The following PAXIP1 variants were observed in gnomAD, a reference collection of about 807,000 sequenced individuals.
The protein encoded by PAXIP1 is PAX interacting protein 1.
In PAXIP1, 19 loss-of-function variants were observed where a neutral mutation model predicts 140.6. The observed-to-expected ratio is 0.14, with a 90% CI of 0.09 to 0.20. The LOEUF (loss-of-function observed/expected upper bound fraction) is 0.20. PAXIP1 is among the 10% of genes least tolerant of loss of function. PAXIP1 has a pLI of 1.00. For synonymous variants in PAXIP1, 442 were observed against 444.6 expected, an observed-to-expected ratio of 0.99 and a Z score of 0.07; for missense variants, 920 against 1,208.6, an observed-to-expected ratio of 0.76 and a Z score of 3.54.
At chr7:154,958,705 T>C (rs573521034) in intron 13 of PAXIP1, among the ~76,000 whole-genome samples, 1 of 152,318 alleles carries the variant, frequency 6.6e-6, no homozygotes, top group African/African-American at 2.4e-5. Context: ...TCTTTGTCTC[T>C]AAGATTTTTA....
At chr7:154,951,895 T>C (rs1016314985) in intron 16 of PAXIP1, 8 of 152,312 alleles carry the variant, frequency 5.3e-5, no homozygotes, top group Admixed American at 1.3e-4. Flanking sequence ...AAGCAGCCGA[T>C]GGAGCCAACC....
chr7:154,987,705 G>A (rs1052021705), intron 4 of PAXIP1, among the ~76,000 whole-genome samples: 26 of 152,098 alleles, frequency 1.7e-4, no homozygotes, highest in Non-Finnish European at 4.4e-5. Context: ...TGTGCTCCTC[G>A]ACTGAAACAA....
At chr7:154,975,319 CATT>C (rs1487283930) in intron 6 of PAXIP1, among the ~76,000 whole-genome samples, 1 of 152,194 alleles carries the variant, frequency 6.6e-6, no homozygotes, top group Non-Finnish European at 1.5e-5. Context: ...CCATGAAGTT[CATT>C]ATAAGCAAAT....
chr7:154,953,426 G>A (rs1808365143), intron 16 of PAXIP1, among the ~76,000 whole-genome samples: 1 of 152,176 alleles, frequency 6.6e-6, no homozygotes, highest in Non-Finnish European at 1.5e-5. Context: ...TGTGGTTGGG[G>A]CAGAAAGACC....
chr7:154,960,847 A>C (rs1193373978), intron 12 of PAXIP1, 46 bp downstream of exon 12: 2 of 1,341,580 alleles, frequency 1.5e-6, no homozygotes, highest in African/African-American at 2.9e-5. Context: ...AGTAATGCTA[A>C]TGATTTTATT....
intron 2 of PAXIP1, among the ~76,000 whole-genome samples, chr7:154,998,089 G>A (rs1810722246): frequency 6.6e-6 from 1 of 152,152 alleles, no homozygotes; most frequent in African/African-American, 2.4e-5. Context: ...ATAAAGGATG[G>A]CCTAGGATTA....
At position 154,946,323 on chromosome 7, in the gene PAXIP1, A is replaced by G. The variant is rs1332612657; in HGVS notation, c.3194+42T>C. Reference sequence around the variant, plus strand: ...TATTAACCTGGGAAATCCATTTCATATCTAACCCGTCTACTTTTTAATTCT... The same window carrying G: ...TATTAACCTGGGAAATCCATTTCATGTCTAACCCGTCTACTTTTTAATTCT... On this transcript the variant is annotated intron_variant, in intron 20 of 20. Transcript: ENST00000404141. This position sits in a 1 kb window ranked among gnomAD's most constrained non-coding sequence, Gnocchi z 4.9. 3.1e-6 allele frequency: 5 copies of G among 1,613,346 alleles called. No individual in the cohort carries two copies. The East Asian group carries it at 6.7e-5, about 22-fold the overall frequency.
rs1044589820 is a variant in PAXIP1 at position 154,963,778 on chromosome 7, G to T, written c.1894-12C>A. 18 of 1,596,898 alleles carry T rather than the reference G, an allele frequency of 1.1e-5. No individual in the cohort carries two copies. The African/African-American group carries it at 2.0e-4, about 18-fold the overall frequency. On this transcript the variant is annotated splice_polypyrimidine_tract_variant and intron_variant, in intron 8 of 20. Coordinates refer to ENST00000404141, the MANE Select transcript of PAXIP1 (RefSeq NM_007349.4). This position sits in a 1 kb window ranked among gnomAD's most constrained non-coding sequence, Gnocchi z 4.1. ...TGTGCCTGGATTATCTACACACAAA[G>T]ACCCGACCAATGCAGTCATCAATCA...
Position 154,946,916 on chromosome 7 carries a change from A to T in PAXIP1, c.2923-103T>A, listed in dbSNP as rs1585032413. 9 of 844,992 alleles carry T rather than the reference A, an allele frequency of 1.1e-5. No homozygotes were observed. In the East Asian group the frequency reaches 2.4e-4, roughly 23 times the overall value. 52.3% of individuals were successfully genotyped at this position (844,992 alleles called of 1,614,324 possible). ...GCCCTGAGATTTTTGACAAAATTTC[A>T]AATTTTATGACATTATGAAGGTACT... On this transcript the variant is annotated intron_variant, in intron 17 of 20. Coordinates refer to ENST00000404141, the MANE Select transcript of PAXIP1 (RefSeq NM_007349.4). This position sits in a 1 kb window ranked among gnomAD's most constrained non-coding sequence, Gnocchi z 4.9.
intron 5 of PAXIP1, among the ~76,000 whole-genome samples, chr7:154,978,532 T>C (rs533439078): frequency 1.4e-4 from 21 of 152,198 alleles, no homozygotes; most frequent in Non-Finnish European, 2.8e-4. Context: ...TAAAATGTTA[T>C]ATAGCTCTCC....
At chr7:155,002,109 G>C (rs1350632716) in intron 1 of PAXIP1, 1 of 152,270 alleles carries the variant, frequency 6.6e-6, no homozygotes, top group Non-Finnish European at 1.5e-5. Flanking sequence ...ACTGATAACT[G>C]TGTGACATCA....
At chr7:154,998,152 A>G (rs1810726265) in intron 2 of PAXIP1, among the ~76,000 whole-genome samples, 4 of 152,202 alleles carry the variant, frequency 2.6e-5, no homozygotes, top group Admixed American at 2.0e-4. Context: ...AAGGACCTGA[A>G]GCTAAGGGAA....
In PAXIP1 at chr7:154,973,252, TG is replaced by T. The variant is rs1224447369; in HGVS notation, c.1074+2443del. ...CAAGACCCATGGTCAGTGGCAGGCC[TG>T]TTTTCCTCCGGGACCCAACAAGGTG... is the stretch of plus-strand genomic sequence containing the variant. On this transcript the variant is annotated intron_variant, in intron 6 of 20. Transcript: ENST00000404141. This position sits in a 1 kb window ranked among gnomAD's most constrained non-coding sequence, Gnocchi z 4.0. Among the ~76,000 whole-genome samples, 6 of 152,140 alleles carry T rather than the reference TG, an allele frequency of 3.9e-5. No individual in the cohort carries two copies. The East Asian group carries it at 1.2e-3, about 29-fold the overall frequency.
At chr7:154,957,508 CG>C (rs11325562) in intron 13 of PAXIP1, among the ~76,000 whole-genome samples, 34,709 of 152,158 alleles carry the variant, frequency 0.23, 4,680 homozygotes, top group Admixed American at 0.34. Flanking sequence ...ACCTCTGTAT[CG>C]TTTTTTTGTT....
At chr7:154,978,419 C>G (rs540878305) in intron 5 of PAXIP1, among the ~76,000 whole-genome samples, 5 of 152,316 alleles carry the variant, frequency 3.3e-5, no homozygotes, top group African/African-American at 1.2e-4. Flanking sequence ...AATTACACTT[C>G]CAACAGCTAT....
rs1809546507 is a variant in PAXIP1 at position 154,975,860 on chromosome 7, A to G, written c.910T>C (p.Leu304=). The G allele has an allele frequency of 6.2e-7, 1 of 1,613,844 alleles. No homozygotes were observed. ...AAATTACCCCGGACCTCAGGGGGCA[A>G]AATGTTACCTGGGACGGGTGGGACA... ...ANVPPVPGNI[L]PPEVRGNLMA... is the part of the protein sequence containing the mutation. The change falls in exon 6 of 21, where the codon TTG becomes CTG. Residue 304 remains leucine (L), a synonymous_variant. Transcript: ENST00000404141.
chr7:154,962,484 GTTGT>G (rs1337955598), intron 9 of PAXIP1, 26 bp from the exon 10 acceptor site: 14 of 1,593,560 alleles, frequency 8.8e-6, no homozygotes, highest in Non-Finnish European at 1.1e-5. Context: ...TTATAGGTTT[GTTGT>G]TTTTGTTTTT....
intron 14 of PAXIP1, 74 bp downstream of exon 14, chr7:154,957,150 C>T: frequency 1.3e-6 from 1 of 742,948 alleles, no homozygotes; most frequent in Non-Finnish European, 2.3e-6. Flanking sequence ...TAGAAACTTT[C>T]CTCAATTGCC....
Position 154,968,669 on chromosome 7 carries a change from T to G in PAXIP1, c.1532A>C (p.Gln511Pro), listed in dbSNP as rs1405197951. ...FHQLQQHQLQ[Q>P]QQLAQLQQQH... The stretch of plus-strand genomic sequence containing the variant: ...CTGCTGGAGCTGGGCAAGCTGCTGC[T>G]GCTGGAGCTGGTGCTGCTGCAGCTG... The change falls in exon 7 of 21, where the codon CAG (glutamine) becomes CCG (proline). Residue 511 changes from glutamine to proline, a missense_variant. By Grantham distance (76) the Gln-to-Pro change is moderately conservative. Coordinates refer to ENST00000404141, the MANE Select transcript of PAXIP1 (RefSeq NM_007349.4). 2 of 715,912 alleles carry G rather than the reference T, an allele frequency of 2.8e-6. No homozygotes were observed. Among genetic ancestry groups the G allele is most frequent in the Non-Finnish European group, 5.2e-6 (2 of 384,312 alleles). The allele number at this position is 715,912 out of a possible 1,614,324, so 44.3% of individuals were successfully genotyped here. A position where few individuals can be genotyped will look rare whatever the true frequency, so the allele number is the denominator to read the frequency against.
Sources: allele counts gnomAD v4.1 joint callset (sites outside exome capture counted in the v4.1 genomes callset), GRCh38; gene constraint gnomAD v4.1.1; non-coding constraint Gnocchi (gnomAD v3.1); transcripts MANE v1.5; gene names NCBI Gene and HGNC (gene_info 2026-07-23, HGNC 2026-07-21).